The following APBB2 variants were observed in gnomAD, a reference collection of about 807,000 sequenced individuals.
APBB2 encodes amyloid beta precursor protein binding family B member 2.
In APBB2, 38 loss-of-function variants were observed where a neutral mutation model predicts 82.5. The observed-to-expected ratio is 0.46, with a 90% CI of 0.36 to 0.60. The LOEUF is 0.60. Among genes scored for constraint, APBB2 ranks in the 20% least tolerant of loss-of-function variants. APBB2 has a pLI of 0.00. For synonymous variants in APBB2, 341 were observed against 368.2 expected, an observed-to-expected ratio of 0.93 and a Z score of 0.85; for missense variants, 772 against 972.3, an observed-to-expected ratio of 0.79 and a Z score of 2.74.
chr4:40,901,909 ATGTGTGTGTG>A (rs35766512), intron 10 of APBB2, among the ~76,000 whole-genome samples: 1 of 145,436 alleles, frequency 6.9e-6, no homozygotes, highest in African/African-American at 2.6e-5. Context: ...ATCCAAAATT[ATGTGTGTGTG>A]TGTGTGTGTG....
At chr4:40,907,665 C>CCAGGTGTGTGTCTGTG in intron 10 of APBB2, among the ~76,000 whole-genome samples, 1 of 137,238 alleles carries the variant, frequency 7.3e-6, no homozygotes, top group East Asian at 2.2e-4. Flanking sequence ...GCCACTGTGC[C>CCAGGTGTGTGTCTGTG]TGACCCTTTT....
chr4:41,020,003 C>T (rs1287440564), intron 5 of APBB2, among the ~76,000 whole-genome samples: 3 of 151,446 alleles, frequency 2.0e-5, no homozygotes, highest in Admixed American at 2.0e-4. Flanking sequence ...GACAGAGAGA[C>T]AGAAAGTCAA....
chr4:41,159,337 C>T (rs1285692392), intron 1 of APBB2, among the ~76,000 whole-genome samples: 1 of 152,026 alleles, frequency 6.6e-6, no homozygotes, highest in Non-Finnish European at 1.5e-5. Flanking sequence ...AGAAAATAAC[C>T]CTATCTACCT....
chr4:40,976,702 G>A (rs1797249509), intron 6 of APBB2, among the ~76,000 whole-genome samples: 1 of 152,142 alleles, frequency 6.6e-6, no homozygotes, highest in African/African-American at 2.4e-5. Flanking sequence ...CAGCACTGGG[G>A]CTCAGGAGCT....
intron 1 of APBB2, among the ~76,000 whole-genome samples, chr4:41,165,316 C>T (rs1766221930): frequency 6.6e-6 from 1 of 152,124 alleles, no homozygotes; most frequent in African/African-American, 2.4e-5. Context: ...GGGCATCTTA[C>T]CATCCAATGC....
chr4:40,955,195 G>T (rs1416619455), intron 6 of APBB2, among the ~76,000 whole-genome samples: 6 of 152,302 alleles, frequency 3.9e-5, no homozygotes, highest in Non-Finnish European at 7.3e-5. Context: ...AGGGAGTGAG[G>T]TCTCCCTAAA....
intron 12 of APBB2, among the ~76,000 whole-genome samples, chr4:40,862,273 C>T (rs1349108387): frequency 5.9e-5 from 9 of 152,162 alleles, no homozygotes; most frequent in Admixed American, 5.9e-4. Flanking sequence ...TTATAATTTG[C>T]TCCTAGAGAA....
At chr4:41,007,084 T>G (rs916969737) in intron 6 of APBB2, among the ~76,000 whole-genome samples, 1 of 152,128 alleles carries the variant, frequency 6.6e-6, no homozygotes, top group Non-Finnish European at 1.5e-5. Context: ...TCTAAATGTG[T>G]CCCCCATATT....
intron 1 of APBB2, among the ~76,000 whole-genome samples, chr4:41,190,179 T>C (rs1408221454): frequency 2.0e-5 from 3 of 152,058 alleles, no homozygotes; most frequent in Admixed American, 6.5e-5. Context: ...CTTAGTATTA[T>C]TTCATTGTAG....
intron 12 of APBB2, among the ~76,000 whole-genome samples, chr4:40,870,865 T>C (rs956810975): frequency 6.6e-6 from 1 of 151,758 alleles, no homozygotes; most frequent in Admixed American, 6.6e-5. Context: ...CCCGAGTAGC[T>C]GGGATAACAG....
At chr4:40,913,488 AG>A (rs1779073472) in intron 10 of APBB2, among the ~76,000 whole-genome samples, 1 of 152,292 alleles carries the variant, frequency 6.6e-6, no homozygotes, top group South Asian at 2.1e-4. Context: ...GAATAGCTCA[AG>A]TGCAAATACA....
At chr4:40,936,646 A>G (rs73150575) in intron 7 of APBB2, among the ~76,000 whole-genome samples, 4,984 of 152,294 alleles carry the variant, frequency 0.033, 269 homozygotes, top group African/African-American at 0.11. Context: ...ATGTGGTGTC[A>G]TTTTCATTTT....
intron 3 of APBB2, among the ~76,000 whole-genome samples, chr4:41,073,311 C>T (rs990250271): frequency 3.3e-5 from 5 of 152,190 alleles, no homozygotes; most frequent in African/African-American, 9.6e-5. Context: ...TTCTTCTTAA[C>T]AACTTCCTAT....
At chr4:41,068,750 T>C (rs1732798056) in intron 3 of APBB2, among the ~76,000 whole-genome samples, 1 of 151,258 alleles carries the variant, frequency 6.6e-6, no homozygotes, top group African/African-American at 2.4e-5. Context: ...TCCAAAGGTG[T>C]ACGTGTAGTT....
At chr4:41,124,273 CAGTGGCGTGAT>C (rs1481612336) in intron 2 of APBB2, among the ~76,000 whole-genome samples, 1 of 152,130 alleles carries the variant, frequency 6.6e-6, no homozygotes, top group Non-Finnish European at 1.5e-5. Context: ...GGCTGGAGTG[CAGTGGCGTGAT>C]CTCGGCTCAC....
chr4:41,038,470 C>T (rs1720109296), intron 4 of APBB2, among the ~76,000 whole-genome samples: 1 of 152,172 alleles, frequency 6.6e-6, no homozygotes, highest in Non-Finnish European at 1.5e-5. Context: ...TAACTCCTCC[C>T]CTGACAGCCA....
At chr4:40,833,858 C>T (rs1013083991) in intron 12 of APBB2, among the ~76,000 whole-genome samples, 1 of 152,216 alleles carries the variant, frequency 6.6e-6, no homozygotes, top group East Asian at 1.9e-4. Flanking sequence ...CCAAGGTTAC[C>T]GACACGGCGG....
At chr4:41,056,739 C>T (rs1292800494) in intron 4 of APBB2, among the ~76,000 whole-genome samples, 3 of 152,202 alleles carry the variant, frequency 2.0e-5, no homozygotes, top group South Asian at 2.1e-4. Flanking sequence ...AAAAGGGAAG[C>T]GTCTTTATAA....
At chr4:40,830,945 C>G (rs1359633651) in intron 12 of APBB2, among the ~76,000 whole-genome samples, 1 of 151,810 alleles carries the variant, frequency 6.6e-6, no homozygotes, top group South Asian at 2.1e-4. Flanking sequence ...AAAAAACAAA[C>G]AAAAAATGCC....
Sources: gnomAD v4.1 joint callset for allele counts (sites outside exome capture counted in the v4.1 genomes callset) on GRCh38, gnomAD v4.1.1 for gene constraint, MANE v1.5 for transcripts, NCBI Gene and HGNC (gene_info 2026-07-23, HGNC 2026-07-21) for gene names.